The following LAMC2 variants were observed in gnomAD, a reference collection of about 807,000 sequenced individuals.
The protein encoded by LAMC2 is laminin subunit gamma 2.
A neutral mutation model predicts 140.2 loss-of-function variants in LAMC2; 97 were observed. The observed-to-expected ratio is 0.69, with a 90% CI of 0.59 to 0.82. LAMC2 has a LOEUF of 0.82. LAMC2 is among the 40% of genes least tolerant of loss of function. The pLI is 0.00. For synonymous variants in LAMC2, 513 were observed against 540.2 expected (o/e 0.95, Z 0.70); for missense variants, 1,402 against 1,476.1 (o/e 0.95, Z 0.82).
chr1:183,225,638 C>A lies in LAMC2; in HGVS notation c.984C>A (p.Ser328Arg), dbSNP rs1347117486. ...RLNEHPSNNW[S>R]PQLSYFEYRR... is the part of the protein sequence containing the mutation. ...ATGAGCATCCAAGCAATAATTGGAGCCCCCAGCTGAGTTACTTTGAGTATC... is the reference window on the plus strand; with the variant it reads ...ATGAGCATCCAAGCAATAATTGGAGACCCCAGCTGAGTTACTTTGAGTATC... Residue 328 changes from serine to arginine, a missense_variant, in exon 8 of 23, where the codon AGC becomes AGA. Around this residue, in one of 3 missense-constraint regions of LAMC2, gnomAD observed 723 missense variants for 783.3 expected, o/e 0.92. Coordinates refer to ENST00000264144, the MANE Select transcript of LAMC2 (RefSeq NM_005562.3). The A allele has an allele frequency of 1.2e-6, 2 of 1,613,678 alleles. No homozygotes were observed. Among genetic ancestry groups the A allele is most frequent in the South Asian group, 2.2e-5 (2 of 91,070 alleles).
the LAMC2 span, among the ~76,000 whole-genome samples, chr1:183,254,936 T>C: frequency 6.6e-6 from 1 of 152,240 alleles, no homozygotes; most frequent in South Asian, 2.1e-4. Context: ...CATTTATTTA[T>C]TTATTTGCTT....
intron 3 of LAMC2, among the ~76,000 whole-genome samples, chr1:183,217,426 G>C (rs2102213582): frequency 6.6e-6 from 1 of 152,172 alleles, no homozygotes; most frequent in East Asian, 1.9e-4. Context: ...CCACTCCTAG[G>C]TATACACCCA....
At chr1:183,196,572 CA>C (rs1392093820) in intron 1 of LAMC2, among the ~76,000 whole-genome samples, 1 of 152,204 alleles carries the variant, frequency 6.6e-6, no homozygotes, top group African/African-American at 2.4e-5. Context: ...TCACCATCTT[CA>C]GTATAGCCTT....
At chr1:183,223,090 C>T in intron 6 of LAMC2, 45 bp from the exon 7 acceptor site, 1 of 1,583,240 alleles carries the variant, frequency 6.3e-7, no homozygotes, top group Non-Finnish European at 8.7e-7. Flanking sequence ...GTTTGCCTCT[C>T]CAGTTTCACA....
the LAMC2 span, among the ~76,000 whole-genome samples, chr1:183,254,273 G>A: frequency 2.1e-3 from 321 of 152,204 alleles, 6 homozygotes; most frequent in East Asian, 0.052. Flanking sequence ...TTTGATAATA[G>A]CTATTCTAAT....
At chr1:183,196,154 T>TG (rs397937523) in intron 1 of LAMC2, among the ~76,000 whole-genome samples, 2 of 151,998 alleles carry the variant, frequency 1.3e-5, no homozygotes, top group Non-Finnish European at 2.9e-5. Flanking sequence ...TTTTTTTTTT[T>TG]GAGATGGAGT....
At position 183,226,845 on chromosome 1, in the gene LAMC2, C is replaced by T. The variant is rs201614830; in HGVS notation, c.1214C>T (p.Ala405Val). 157 of 1,614,114 alleles carry T rather than the reference C, an allele frequency of 9.7e-5. No homozygotes were observed. Among genetic ancestry groups the T allele is most frequent in the Non-Finnish European group, 1.2e-4 (141 of 1,179,994 alleles). ...GCTTCTGGCTACAAGAGAGATTCAG[C>T]GAGACTGGGGCCTTTTGGCACCTGT... ...DCASGYKRDSARLGPFGTCIP... is the reference protein window; with the variant it reads ...DCASGYKRDSVRLGPFGTCIP... The change falls in exon 9 of 23, where the codon GCG becomes GTG. Residue 405 changes from alanine to valine, a missense_variant. By Grantham distance (64) the Ala-to-Val change is moderately conservative. Around this residue, in one of 3 missense-constraint regions of LAMC2, gnomAD observed 723 missense variants for 783.3 expected, o/e 0.92. Transcript: ENST00000264144.
chr1:183,225,918 C>T (rs538152223), intron 8 of LAMC2, among the ~76,000 whole-genome samples, 198 bp downstream of exon 8: 21 of 152,126 alleles, frequency 1.4e-4, no homozygotes, highest in Admixed American at 3.9e-4. Flanking sequence ...ATGTCAGCAC[C>T]CAGCACCAAT....
At chr1:183,208,181 A>C in intron 2 of LAMC2, 112 bp downstream of exon 2, 1 of 1,064,214 alleles carries the variant, frequency 9.4e-7, no homozygotes, top group Admixed American at 1.7e-5. Context: ...AAAAAGAAAG[A>C]AAACAGGGAA....
intron 1 of LAMC2, among the ~76,000 whole-genome samples, chr1:183,199,006 T>C (rs955000283): frequency 6.6e-6 from 1 of 151,954 alleles, no homozygotes; most frequent in East Asian, 1.9e-4. Flanking sequence ...ATGTAGACAA[T>C]GGAAACTTTG....
chr1:183,206,016 T>C (rs770800536), intron 1 of LAMC2, among the ~76,000 whole-genome samples: 2 of 152,214 alleles, frequency 1.3e-5, no homozygotes, highest in Non-Finnish European at 2.9e-5. Flanking sequence ...CATGCAATGG[T>C]AAACTCAATC....
In LAMC2 at chr1:183,232,532, G is replaced by A. The variant is rs554282504; in HGVS notation, c.2015-120G>A. On this transcript the variant is annotated intron_variant, in intron 13 of 22. Transcript: ENST00000264144. ...AATGATGGTGATAAAAGAATGGTTG[G>A]ATGCATTTCTCTATTGGGTTTTTGT... 19 of 1,092,372 alleles carry A rather than the reference G, an allele frequency of 1.7e-5. No individual in the cohort carries two copies. The South Asian group carries it at 2.5e-4, about 14-fold the overall frequency. 67.7% of individuals were successfully genotyped at this position (1,092,372 alleles called of 1,614,324 possible).
Position 183,244,544 on chromosome 1 carries a change from A to C in LAMC2, c.*1144A>C, listed in dbSNP as rs1362717393. 6.5e-6 allele frequency: 1 copy of C among 152,694 alleles called. No individual in the cohort carries two copies. Among genetic ancestry groups the C allele is most frequent in the Non-Finnish European group, 1.5e-5 (1 of 68,044 alleles). 9.5% of individuals were successfully genotyped at this position (152,694 alleles called of 1,614,324 possible). A position where few individuals can be genotyped will look rare whatever the true frequency, so the allele number is the denominator to read the frequency against. Reference sequence around the variant, plus strand: ...TGAGGAAGACAAGCATTTTTAAAAAATAAATTTAAACTTACAAACTTTGTT... The same window carrying C: ...TGAGGAAGACAAGCATTTTTAAAAACTAAATTTAAACTTACAAACTTTGTT... On this transcript the variant is annotated 3_prime_UTR_variant, in exon 23 of 23. Coordinates refer to ENST00000264144, the MANE Select transcript of LAMC2 (RefSeq NM_005562.3).
At chr1:183,249,048 A>C (rs1660303730), downstream of LAMC2, 1 of 152,174 alleles carries the variant, frequency 6.6e-6, no homozygotes, top group Non-Finnish European at 1.5e-5. Context: ...TAATTTGAAC[A>C]GCAAGTTCTT....
At chr1:183,207,188 T>A (rs1173395126) in intron 1 of LAMC2, among the ~76,000 whole-genome samples, 1 of 152,216 alleles carries the variant, frequency 6.6e-6, no homozygotes. Context: ...TTTTTTGGTG[T>A]CTCAGTGTGC....
At chr1:183,255,025 C>T in the LAMC2 span, among the ~76,000 whole-genome samples, 1 of 152,078 alleles carries the variant, frequency 6.6e-6, no homozygotes, top group Non-Finnish European at 1.5e-5. Flanking sequence ...TTTATGTTTT[C>T]TTCTGTTTTT....
Position 183,240,136 on chromosome 1 carries a change from G to A in LAMC2, c.3166G>A (p.Val1056Met), listed in dbSNP as rs886045627. ...LASLKSEMRE[V>M]EGELERKELE... ...CTCTCTGAAGAGTGAGATGAGGGAAGTGGAAGGAGAGCTGGAAAGGAAGGA... is the reference window on the plus strand; with the variant it reads ...CTCTCTGAAGAGTGAGATGAGGGAAATGGAAGGAGAGCTGGAAAGGAAGGA... Residue 1056 changes from valine (V) to methionine (M), a missense_variant, in exon 21 of 23, where the codon GTG becomes ATG. Around this residue, in one of 3 missense-constraint regions of LAMC2, gnomAD observed 670 missense variants for 667.2 expected, o/e 1.00. Transcript: ENST00000264144. The A allele has an allele frequency of 5.0e-6, 8 of 1,614,250 alleles. No individual in the cohort carries two copies. Among genetic ancestry groups the A allele is most frequent in the Non-Finnish European group, 6.8e-6 (8 of 1,180,046 alleles).
chr1:183,207,838 T>TG (rs1658938958), intron 1 of LAMC2, 43 bp from the exon 2 acceptor site: 6 of 1,466,222 alleles, frequency 4.1e-6, no homozygotes, highest in Admixed American at 1.8e-5. Flanking sequence ...CTGAGGTGTT[T>TG]TTTTTTTTTT....
intron 3 of LAMC2, 125 bp from the exon 4 acceptor site, chr1:183,218,262 TAGG>T: frequency 3.9e-6 from 3 of 767,044 alleles, no homozygotes; most frequent in East Asian, 2.6e-5. Flanking sequence ...CGAGGATGGC[TAGG>T]AGAAGCCTCA....
Sources: gnomAD v4.1 joint callset for allele counts (sites outside exome capture counted in the v4.1 genomes callset) on GRCh38, gnomAD v4.1.1 for gene constraint, gnomAD v4.1.1 regional missense constraint, MANE v1.5 for transcripts, NCBI Gene and HGNC (gene_info 2026-07-23, HGNC 2026-07-21) for gene names.